The following NOP2 variants were observed in gnomAD, a reference collection of about 807,000 sequenced individuals.
NOP2 encodes the protein NOP2 nucleolar protein.
In NOP2, 7 loss-of-function variants were observed where a neutral mutation model predicts 72.7. The observed-to-expected ratio is 0.10, with a 90% confidence interval of 0.05 to 0.18. The LOEUF (loss-of-function observed/expected upper bound fraction) is 0.18, where lower values mean the gene tolerates loss of function less well. NOP2 is among the 10% of genes least tolerant of loss of function. The probability of loss-of-function intolerance (pLI) is 1.00; values close to 1 mark genes in which losing one functional copy is unlikely to be tolerated. For synonymous variants in NOP2, 387 were observed against 388.0 expected (o/e 1.00, Z 0.03); for missense variants, 954 against 1,014.7 (o/e 0.94, Z 0.81).
rs1294191300 is a variant in NOP2 at position 6,557,183 on chromosome 12, C to T, written c.2249G>A (p.Gly750Glu). 1 of 1,613,942 alleles carries T rather than the reference C, an allele frequency of 6.2e-7. No homozygotes were observed. The highest frequency in any genetic ancestry group is 8.5e-7 in the Non-Finnish European group (1 of 1,179,872). ...CTGCTTCTCAACCCCCTTGGCCCTT[C>T]CAAGGGGCTGATGATGGTCCTTAGG... ...LKPKDHHQPL[G>E]RAKGVEKQQL... The change falls in exon 16 of 16, where the codon GGA (glycine) becomes GAA (glutamate). Residue 750 changes from glycine (G) to glutamate (E), a missense_variant. Gly to Glu is a moderately conservative substitution (Grantham distance 98). Coordinates refer to ENST00000322166, the MANE Select transcript of NOP2 (RefSeq NM_001258308.2).
rs775115887 is a variant in NOP2 at position 6,563,664 on chromosome 12, T to C, written c.638A>G (p.Asn213Ser). Residue 213 changes from asparagine (N) to serine (S), a missense_variant, in exon 7 of 16, where the codon AAT (asparagine) becomes AGT (serine). By Grantham distance (46) the Asn-to-Ser change is conservative. This residue lies in a region of NOP2 where 498 missense variants were observed against 478.3 expected (regional missense o/e 1.04). Coordinates refer to ENST00000322166, the MANE Select transcript of NOP2 (RefSeq NM_001258308.2). ...VEEADGGLQI[N>S]VDEEPFVLPP... ...CAGCACAAATGGTTCCTCATCCACA[T>C]TGATCTGCAGGCCCCCATCTGCCTC... 6.8e-6 allele frequency: 11 copies of C among 1,613,624 alleles called. No homozygotes were observed. The South Asian group carries it at 7.7e-5, about 11-fold the overall frequency.
In NOP2 at chr12:6,568,199, AG is replaced by A. The variant is rs1947840186; in HGVS notation, c.-5+7del. The A allele has an allele frequency of 1.7e-5, 7 of 408,036 alleles. 1 individual carries two copies. In the South Asian group the frequency reaches 2.2e-4, roughly 13 times the overall value. 25.3% of individuals were successfully genotyped at this position (408,036 alleles called of 1,614,324 possible). On this transcript the variant is annotated splice_region_variant and intron_variant, in intron 1 of 15. Coordinates refer to ENST00000322166, the MANE Select transcript of NOP2 (RefSeq NM_001258308.2). ...CACTCTTCGTCCCCCAATTTCCTCT[AG>A]ACCCACCAGAATGCGGGTTAATGTC...
At chr12:6,562,976 T>G (rs1437268527) in intron 9 of NOP2, 105 bp downstream of exon 9, 7 of 1,130,752 alleles carry the variant, frequency 6.2e-6, no homozygotes, top group Middle Eastern at 1.9e-4. Context: ...GGATCATGCT[T>G]AGGTCCTAAG....
intron 2 of NOP2, chr12:6,567,476 C>T: frequency 4.2e-6 from 1 of 239,140 alleles, no homozygotes; most frequent in Non-Finnish European, 8.2e-6. Context: ...TGACCCCTCC[C>T]CTTCACTACT....
intron 2 of NOP2, 127 bp downstream of exon 2, chr12:6,567,689 C>A (rs1222115568): frequency 2.8e-6 from 2 of 704,574 alleles, no homozygotes; most frequent in Non-Finnish European, 2.3e-6. Context: ...TCATTCATAC[C>A]TCCTAGTAAC....
chr12:6,563,997 T>A, intron 5 of NOP2, 51 bp from the exon 6 acceptor site: 1 of 1,592,360 alleles, frequency 6.3e-7, no homozygotes. Context: ...CATCAGCCCT[T>A]GTAGCAGTTC....
chr12:6,563,951 A>G lies in NOP2; in HGVS notation c.475-5T>C. The G allele has an allele frequency of 6.2e-7, 1 of 1,613,022 alleles. No individual in the cohort carries two copies. The highest frequency in any genetic ancestry group is 8.5e-7 in the Non-Finnish European group (1 of 1,179,486). On this transcript the variant is annotated splice_polypyrimidine_tract_variant and splice_region_variant and intron_variant, in intron 5 of 15. Transcript: ENST00000322166. ...AGCTCTTTCAATGGGCAGCAACTGA[A>G]GAGAGACAAGGGCTATTAATACAGG...
rs1426739591 is a variant in NOP2, at chr12:6,557,380, T to TG, written c.2051_2052insC (p.Ala686SerfsTer19). 1 of 1,614,060 alleles carries TG rather than the reference T, an allele frequency of 6.2e-7. No individual in the cohort carries two copies. Among genetic ancestry groups the TG allele is most frequent in the East Asian group, 2.2e-5 (1 of 44,884 alleles). On this transcript the variant is annotated frameshift_variant, in exon 16 of 16. Transcript: ENST00000322166. LOFTEE classifies it low-confidence loss of function (END_TRUNC). ...TTGGCTCCCTGATCCCTTCGGCTTT[T>TG]CCAGCTGGCTGACTGCTATCCTGGA...
Position 6,557,127 on chromosome 12 carries a change from C to T in NOP2, c.2305G>A (p.Ala769Thr), listed in dbSNP as rs1433981476. ...GGGGTATCATTCTGTTTCTGGAAGG[C>T]AGCTTTCTCAAAAGGCTGCTCTGGC... ...QLPEQPFEKA[A>T]FQKQNDTPKG... is the part of the protein sequence containing the mutation. The change falls in exon 16 of 16, where the codon GCC (alanine) becomes ACC (threonine). Residue 769 changes from alanine to threonine, a missense_variant. Around this residue, in one of 3 missense-constraint regions of NOP2, gnomAD observed 269 missense variants for 260.2 expected, o/e 1.03. Coordinates refer to ENST00000322166, the MANE Select transcript of NOP2 (RefSeq NM_001258308.2). 6.2e-7 allele frequency: 1 copy of T among 1,613,964 alleles called. No homozygotes were observed. Among genetic ancestry groups the T allele is most frequent in the Non-Finnish European group, 8.5e-7 (1 of 1,179,902 alleles).
chr12:6,557,309 G>A lies in NOP2; in HGVS notation c.2123C>T (p.Ser708Phe). Residue 708 changes from serine to phenylalanine, a missense_variant, in exon 16 of 16, where the codon TCC becomes TTC. Around this residue, in one of 3 missense-constraint regions of NOP2, gnomAD observed 269 missense variants for 260.2 expected, o/e 1.03. Coordinates refer to ENST00000322166, the MANE Select transcript of NOP2 (RefSeq NM_001258308.2). The stretch of plus-strand genomic sequence containing the variant: ...CTGCCTGAGGAAAGCAACTTTCTTG[G>A]AGGACTGTAATTTAGGTGATCGTTG... ...LKQRSPKLQS[S>F]KKVAFLRQNA... 6.2e-7 allele frequency: 1 copy of A among 1,614,036 alleles called. No homozygotes were observed. Among genetic ancestry groups the A allele is most frequent in the South Asian group, 1.1e-5 (1 of 91,088 alleles).
chr12:6,562,064 C>T (rs1004433872), intron 9 of NOP2, 93 bp from the exon 10 acceptor site: 3 of 893,104 alleles, frequency 3.4e-6, no homozygotes, highest in Non-Finnish European at 5.4e-6. Context: ...TCTCGGCTCA[C>T]AGCAACCTCC....
At chr12:6,564,531 G>C (rs1947730555) in intron 5 of NOP2, among the ~76,000 whole-genome samples, 1 of 151,632 alleles carries the variant, frequency 6.6e-6, no homozygotes, top group Admixed American at 6.6e-5. Flanking sequence ...AGGTTCAAAT[G>C]ATTCTCCTGC....
chr12:6,562,968 A>C, intron 9 of NOP2, 113 bp downstream of exon 9: 3 of 1,055,052 alleles, frequency 2.8e-6, no homozygotes, highest in Non-Finnish European at 4.3e-6. Context: ...CCCCCCCAGG[A>C]TCATGCTTAG....
At chr12:6,559,608 G>A (rs1479704541) in intron 15 of NOP2, among the ~76,000 whole-genome samples, 2 of 152,130 alleles carry the variant, frequency 1.3e-5, no homozygotes, top group African/African-American at 4.8e-5. Context: ...GTGCTCTCAA[G>A]GCTGTTTCAG....
chr12:6,563,160 A>C lies in NOP2; in HGVS notation c.899T>G (p.Phe300Cys), dbSNP rs940035667. Residue 300 changes from phenylalanine to cysteine, a missense_variant, in exon 9 of 16, where the codon TTC becomes TGC. Phe to Cys is a radical substitution (Grantham distance 205). Coordinates refer to ENST00000322166, the MANE Select transcript of NOP2 (RefSeq NM_001258308.2). Reference protein sequence around the residue: ...DLFPLSELVEFLEANEVPRPV... With the variant: ...DLFPLSELVECLEANEVPRPV... ...CCGAGGCACCTCATTAGCTTCTAAG[A>C]ACTCCACCAGCTGCGGGGCAAGACA... 2.3e-5 allele frequency: 37 copies of C among 1,592,730 alleles called. No individual in the cohort carries two copies. Among genetic ancestry groups the C allele is most frequent in the Non-Finnish European group, 3.2e-5 (37 of 1,169,842 alleles).
chr12:6,568,110 C>T (rs1443107465), intron 1 of NOP2, 97 bp downstream of exon 1: 7 of 593,216 alleles, frequency 1.2e-5, no homozygotes, highest in South Asian at 4.0e-5. Flanking sequence ...CGACCGAACG[C>T]CCTCCCACCT....
chr12:6,562,406 C>A (rs1189223991), intron 9 of NOP2, among the ~76,000 whole-genome samples: 1 of 152,198 alleles, frequency 6.6e-6, no homozygotes, highest in Non-Finnish European at 1.5e-5. Flanking sequence ...AGTGCTTACT[C>A]CAAACACAGT....
Position 6,563,341 on chromosome 12 carries a change from G to T in NOP2, c.862C>A (p.Leu288Ile). The T allele has an allele frequency of 6.3e-7, 1 of 1,598,914 alleles. No homozygotes were observed. Among genetic ancestry groups the T allele is most frequent in the Admixed American group, 1.7e-5 (1 of 57,496 alleles). The change falls in exon 8 of 16, where the codon CTC (leucine) becomes ATC (isoleucine). Residue 288 changes from leucine to isoleucine, a missense_variant. Around this residue, in one of 3 missense-constraint regions of NOP2, gnomAD observed 498 missense variants for 478.3 expected, o/e 1.04. Coordinates refer to ENST00000322166, the MANE Select transcript of NOP2 (RefSeq NM_001258308.2). ...TCAGACAGAGGGAAGAGGTCCATGA[G>T]CTTGCCAAGCAGGAAGTCTCCATAG... is the stretch of plus-strand genomic sequence containing the variant. ...YSYGDFLLGKLMDLFPLSELV... is the reference protein window; with the variant it reads ...YSYGDFLLGKIMDLFPLSELV...
Position 6,561,876 on chromosome 12 carries a change from A to G in NOP2, c.1066+8T>C, listed in dbSNP as rs1274200170. 1 of 1,610,098 alleles carries G rather than the reference A, an allele frequency of 6.2e-7. No individual in the cohort carries two copies. Among genetic ancestry groups the G allele is most frequent in the Non-Finnish European group, 8.5e-7 (1 of 1,178,284 alleles). ...AGGTAGAAGGGCTCTTGGGTGGGGG[A>G]GACTTACCAATGGGCACAGAAGAAT... On this transcript the variant is annotated splice_region_variant and intron_variant, in intron 10 of 15. Coordinates refer to ENST00000322166, the MANE Select transcript of NOP2 (RefSeq NM_001258308.2).
Sources: allele counts gnomAD v4.1 joint callset (sites outside exome capture counted in the v4.1 genomes callset), GRCh38; gene constraint gnomAD v4.1.1; regional missense constraint gnomAD v4.1.1; transcripts MANE v1.5; gene names NCBI Gene and HGNC (gene_info 2026-07-23, HGNC 2026-07-21).